RBMS1: variants seen among roughly 807,000 people sequenced by gnomAD.
The protein encoded by RBMS1 is RNA-binding motif, single-stranded-interacting protein 1.
A neutral mutation model predicts 62.3 loss-of-function variants in RBMS1; 17 were observed. The ratio of observed to expected loss-of-function variants is 0.27; its 90% CI spans 0.19 to 0.41. The LOEUF is 0.41. Among genes scored for constraint, RBMS1 ranks in the 10% least tolerant of loss-of-function variants. The pLI is 1.00. For missense variants in RBMS1, 334 were observed against 504.5 expected (o/e 0.66, Z 3.24); for synonymous variants, 172 against 170.0 (o/e 1.01, Z -0.09).
At chr2:160,476,125 C>G (rs1042938852) in intron 1 of RBMS1, among the ~76,000 whole-genome samples, 2 of 151,848 alleles carry the variant, frequency 1.3e-5, no homozygotes, top group Non-Finnish European at 2.9e-5. Flanking sequence ...CCCAAAGTGC[C>G]GGGATTACAG....
At chr2:160,292,200 G>T (rs923285824) in intron 6 of RBMS1, among the ~76,000 whole-genome samples, 13 of 152,174 alleles carry the variant, frequency 8.5e-5, no homozygotes, top group African/African-American at 2.9e-4. Flanking sequence ...GTCTCCAAGG[G>T]TTTAAAATTC....
chr2:160,378,006 T>C (rs1016817011), intron 1 of RBMS1, among the ~76,000 whole-genome samples: 1 of 152,200 alleles, frequency 6.6e-6, no homozygotes, highest in Non-Finnish European at 1.5e-5. Context: ...AAAATTGATA[T>C]GCTAGACCTG....
At chr2:160,458,428 C>G (rs1684330702) in intron 1 of RBMS1, among the ~76,000 whole-genome samples, 1 of 152,198 alleles carries the variant, frequency 6.6e-6, no homozygotes, top group African/African-American at 2.4e-5. Flanking sequence ...CCACACTCCA[C>G]AAAACTTCCT....
intron 2 of RBMS1, among the ~76,000 whole-genome samples, chr2:160,352,801 A>G (rs929240195): frequency 8.5e-5 from 13 of 152,258 alleles, no homozygotes; most frequent in Admixed American, 7.2e-4. Flanking sequence ...GCTGTATAAT[A>G]CTAAAGTGCC....
intron 13 of RBMS1, 94 bp downstream of exon 13, chr2:160,275,536 C>A (rs1574194373): frequency 2.0e-6 from 3 of 1,507,564 alleles, no homozygotes; most frequent in South Asian, 1.4e-5. Context: ...ATGATAAAAT[C>A]CGAGTTATCC....
intron 2 of RBMS1, among the ~76,000 whole-genome samples, chr2:160,336,783 C>CCAG (rs1691596586): frequency 6.6e-6 from 1 of 152,098 alleles, no homozygotes; most frequent in Non-Finnish European, 1.5e-5. Flanking sequence ...CACTCAATAG[C>CCAG]CACATGCGGC....
chr2:160,362,974 A>G (rs1439860735), intron 2 of RBMS1, among the ~76,000 whole-genome samples: 1 of 152,238 alleles, frequency 6.6e-6, no homozygotes, highest in Non-Finnish European at 1.5e-5. Context: ...ACAATTCAAT[A>G]TAAATTAAGC....
chr2:160,286,781 C>G (rs893339815), intron 7 of RBMS1, among the ~76,000 whole-genome samples, 188 bp downstream of exon 7: 2 of 152,148 alleles, frequency 1.3e-5, no homozygotes, highest in African/African-American at 4.8e-5. Flanking sequence ...CTGTTATCAC[C>G]ATATATAATG....
intron 1 of RBMS1, among the ~76,000 whole-genome samples, chr2:160,478,552 T>G (rs916567746): frequency 7.2e-5 from 11 of 152,258 alleles, no homozygotes; most frequent in African/African-American, 2.7e-4. Context: ...ATCAAAGAGT[T>G]AGTGACCTGT....
intron 6 of RBMS1, among the ~76,000 whole-genome samples, chr2:160,293,055 G>A (rs929952684): frequency 2.6e-5 from 4 of 152,126 alleles, no homozygotes; most frequent in Non-Finnish European, 5.9e-5. Context: ...TTTATGTACC[G>A]GGTGAGGGAG....
intron 2 of RBMS1, among the ~76,000 whole-genome samples, chr2:160,321,768 G>A (rs749161320): frequency 4.6e-5 from 7 of 152,124 alleles, no homozygotes; most frequent in Non-Finnish European, 7.3e-5. Context: ...CTGAACCCAG[G>A]TGATCAATAA....
intron 1 of RBMS1, among the ~76,000 whole-genome samples, chr2:160,391,889 G>A (rs1694881703): frequency 6.6e-6 from 1 of 152,036 alleles, no homozygotes; most frequent in Non-Finnish European, 1.5e-5. Context: ...GAGGCAGGGA[G>A]GCGGAGGTTG....
intron 2 of RBMS1, among the ~76,000 whole-genome samples, chr2:160,365,741 A>G (rs974903804): frequency 6.6e-6 from 1 of 152,270 alleles, no homozygotes; most frequent in Non-Finnish European, 1.5e-5. Context: ...TGCTTCTTAC[A>G]GTCATATTTT....
chr2:160,453,529 T>C (rs1190507116), intron 1 of RBMS1, among the ~76,000 whole-genome samples: 3 of 152,166 alleles, frequency 2.0e-5, no homozygotes, highest in African/African-American at 7.2e-5. Context: ...CCCTTCATTC[T>C]TTCTCTCCCC....
chr2:160,360,817 A>G (rs779619622), intron 2 of RBMS1, among the ~76,000 whole-genome samples: 10 of 152,158 alleles, frequency 6.6e-5, no homozygotes, highest in Non-Finnish European at 1.2e-4. Flanking sequence ...CATTGATGAT[A>G]ATACTATCCT....
intron 1 of RBMS1, among the ~76,000 whole-genome samples, chr2:160,394,653 A>G (rs1440515108): frequency 6.6e-6 from 1 of 152,252 alleles, no homozygotes; most frequent in African/African-American, 2.4e-5. Context: ...ATTTTGCCTG[A>G]AGTTAACATG....
intron 4 of RBMS1, among the ~76,000 whole-genome samples, chr2:160,309,120 C>T (rs1409339724): frequency 2.6e-5 from 4 of 152,188 alleles, no homozygotes; most frequent in African/African-American, 4.8e-5. Context: ...GCCTGAAAGG[C>T]GCTGGCTGAG....
chr2:160,430,616 TTAATCTAAACA>T (rs1273357238), intron 1 of RBMS1, among the ~76,000 whole-genome samples: 4 of 152,230 alleles, frequency 2.6e-5, no homozygotes, highest in Admixed American at 2.0e-4. Context: ...TAAGAACTAG[TTAATCTAAACA>T]ATTGTATTCA....
rs145391149 is a variant in RBMS1, at chr2:160,469,694, G to T, written c.75+23595C>A. Among the ~76,000 whole-genome samples the T allele has an allele frequency of 8.5e-3, 1,299 of 152,246 alleles. 10 individuals carry two copies. The highest frequency in any genetic ancestry group is 0.027 in the Middle Eastern group (8 of 294). ...TTCTGTAACTAACTCTCAAACAAGC[G>T]TATCAACGCAGAAATGATTCTGGGG... On this transcript the variant is annotated intron_variant, in intron 1 of 13. Transcript: ENST00000348849.
Sources: gnomAD v4.1 joint callset for allele counts (sites outside exome capture counted in the v4.1 genomes callset) on GRCh38, gnomAD v4.1.1 for gene constraint, MANE v1.5 for transcripts, NCBI Gene and HGNC (gene_info 2026-07-23, HGNC 2026-07-21) for gene names.